Variants in BCKDHB observed in about 807,000 individuals in gnomAD.
BCKDHB encodes the protein 2-oxoisovalerate dehydrogenase subunit beta, mitochondrial.
In BCKDHB, 41 loss-of-function variants were observed where a neutral mutation model predicts 48.5. That is an observed-to-expected ratio of 0.85 (90% CI 0.66 to 1.10). The LOEUF (loss-of-function observed/expected upper bound fraction) is 1.10, where lower values mean the gene tolerates loss of function less well. Among genes scored for constraint, BCKDHB ranks in the 50% least tolerant of loss-of-function variants. The pLI is 0.00. For synonymous variants in BCKDHB, 201 were observed against 174.8 expected, an observed-to-expected ratio of 1.15 and a Z score of -1.18; for missense variants, 496 against 494.2, an observed-to-expected ratio of 1.00 and a Z score of -0.03.
intron 8 of BCKDHB, among the ~76,000 whole-genome samples, chr6:80,222,248 T>C (rs1453778599): frequency 2.0e-5 from 3 of 152,226 alleles, no homozygotes; most frequent in African/African-American, 4.8e-5. Context: ...GTTAGTTCAC[T>C]TAAAAGTTTA....
At chr6:80,277,024 CTCT>C (rs942568499) in intron 9 of BCKDHB, among the ~76,000 whole-genome samples, 1 of 149,758 alleles carries the variant, frequency 6.7e-6, no homozygotes, top group African/African-American at 2.5e-5. Flanking sequence ...GCTTCACTCT[CTCT>C]TCTTATCTTA....
At chr6:80,447,999 A>G in the BCKDHB span, among the ~76,000 whole-genome samples, 9 of 152,234 alleles carry the variant, frequency 5.9e-5, no homozygotes, top group Non-Finnish European at 1.2e-4. Context: ...CATAGAAGTA[A>G]AATTAATAAA....
At chr6:80,113,338 A>G (rs1362560536) in intron 1 of BCKDHB, among the ~76,000 whole-genome samples, 9 of 152,182 alleles carry the variant, frequency 5.9e-5, no homozygotes, top group African/African-American at 2.2e-4. Flanking sequence ...GCCCACAATT[A>G]TCAGGGAGCT....
At chr6:80,132,747 T>G (rs1234935639) in intron 3 of BCKDHB, among the ~76,000 whole-genome samples, 2 of 152,134 alleles carry the variant, frequency 1.3e-5, no homozygotes, top group Non-Finnish European at 2.9e-5. Flanking sequence ...AGGATGTTGA[T>G]CAAGATGAAA....
chr6:80,208,460 G>C (rs534589796), intron 8 of BCKDHB, among the ~76,000 whole-genome samples: 2 of 151,552 alleles, frequency 1.3e-5, no homozygotes, highest in African/African-American at 4.8e-5. Flanking sequence ...AAGAAATGAA[G>C]TAATTAAGAG....
intron 8 of BCKDHB, among the ~76,000 whole-genome samples, chr6:80,253,645 A>T (rs950396956): frequency 2.6e-5 from 4 of 152,200 alleles, no homozygotes; most frequent in African/African-American, 7.2e-5. Context: ...ATCATGTCAT[A>T]TCACTTTACC....
At chr6:80,450,047 T>C in the BCKDHB span, among the ~76,000 whole-genome samples, 1 of 152,158 alleles carries the variant, frequency 6.6e-6, no homozygotes, top group Non-Finnish European at 1.5e-5. Flanking sequence ...GTCAATAGTC[T>C]TCTTGGTCCC....
At chr6:80,379,099 G>A in the BCKDHB span, among the ~76,000 whole-genome samples, 1 of 151,902 alleles carries the variant, frequency 6.6e-6, no homozygotes, top group East Asian at 1.9e-4. Flanking sequence ...CTATAAATCC[G>A]GTGTCAGCCT....
chr6:80,166,396 C>T (rs1399581859), intron 3 of BCKDHB, among the ~76,000 whole-genome samples: 2 of 152,114 alleles, frequency 1.3e-5, no homozygotes, highest in Non-Finnish European at 2.9e-5. Flanking sequence ...TAGCTCATGC[C>T]TGTAATCCCA....
At chr6:80,360,661 C>T in the BCKDHB span, among the ~76,000 whole-genome samples, 1 of 152,006 alleles carries the variant, frequency 6.6e-6, no homozygotes, top group African/African-American at 2.4e-5. Context: ...TTGGCTTAAG[C>T]AAGTTGAAAT....
chr6:80,205,172 G>A (rs747891973), intron 8 of BCKDHB, among the ~76,000 whole-genome samples: 21 of 151,890 alleles, frequency 1.4e-4, no homozygotes, highest in Non-Finnish European at 2.8e-4. Context: ...TTCCTGCTAG[G>A]ATTTAGAGAT....
the BCKDHB span, among the ~76,000 whole-genome samples, chr6:80,353,604 C>T: frequency 4.6e-5 from 7 of 152,208 alleles, no homozygotes; most frequent in African/African-American, 1.4e-4. Context: ...CCTGTAATCC[C>T]AGCACTTTGG....
chr6:80,398,349 A>C, the BCKDHB span, among the ~76,000 whole-genome samples: 1 of 152,178 alleles, frequency 6.6e-6, no homozygotes, highest in Non-Finnish European at 1.5e-5. Flanking sequence ...TAAAGAAGAA[A>C]AGAAAGAAGA....
At chr6:80,308,330 A>C (rs1483399441) in intron 9 of BCKDHB, among the ~76,000 whole-genome samples, 6 of 152,126 alleles carry the variant, frequency 3.9e-5, no homozygotes, top group Non-Finnish European at 8.8e-5. Flanking sequence ...ATATGATAGT[A>C]ATTTAAATAT....
At chr6:80,206,303 G>A (rs1297716423) in intron 8 of BCKDHB, among the ~76,000 whole-genome samples, 1 of 151,888 alleles carries the variant, frequency 6.6e-6, no homozygotes, top group African/African-American at 2.4e-5. Flanking sequence ...CAGAGCCAAG[G>A]AGTCAATCCT....
chr6:80,422,434 A>G, the BCKDHB span, among the ~76,000 whole-genome samples: 1 of 152,216 alleles, frequency 6.6e-6, no homozygotes, highest in African/African-American at 2.4e-5. Context: ...ACCCACACAG[A>G]GTCCCCAATG....
At chr6:80,261,761 T>G (rs1180770517) in intron 8 of BCKDHB, among the ~76,000 whole-genome samples, 1 of 152,188 alleles carries the variant, frequency 6.6e-6, no homozygotes, top group Non-Finnish European at 1.5e-5. Context: ...TACACAGTGG[T>G]TGCTTAACAC....
At chr6:80,371,368 T>G in the BCKDHB span, among the ~76,000 whole-genome samples, 1 of 152,168 alleles carries the variant, frequency 6.6e-6, no homozygotes, top group Non-Finnish European at 1.5e-5. Flanking sequence ...TTGAGTTCCT[T>G]GTAGAGTCAG....
chr6:80,443,306 T>G, the BCKDHB span: 1 of 152,058 alleles, frequency 6.6e-6, no homozygotes, highest in Non-Finnish European at 1.5e-5. Flanking sequence ...TAAGATAAAG[T>G]GGAATTTGCT....
Sources: allele counts gnomAD v4.1 joint callset (sites outside exome capture counted in the v4.1 genomes callset), GRCh38; gene constraint gnomAD v4.1.1; transcripts MANE v1.5; gene names NCBI Gene and HGNC (gene_info 2026-07-23, HGNC 2026-07-21).